Variants in NF1 observed in about 807,000 individuals in gnomAD.
The protein encoded by NF1 is neurofibromin 1, also known as neurofibromin.
In NF1, 122 loss-of-function variants were observed where a neutral mutation model predicts 325.7. That is an observed-to-expected ratio of 0.37 (90% CI 0.32 to 0.44). The LOEUF is 0.44. Ranked by LOEUF, NF1 falls within the 20% of genes least tolerant of loss-of-function variation. The pLI is 1.00. For missense variants in NF1, 2,140 were observed against 3,415.4 expected (o/e 0.63, Z 9.31); for synonymous variants, 1,091 against 1,186.0 (o/e 0.92, Z 1.65).
chr17:31,311,642 C>T (rs2068879303), intron 36 of NF1, among the ~76,000 whole-genome samples: 1 of 152,164 alleles, frequency 6.6e-6, no homozygotes, highest in African/African-American at 2.4e-5. Context: ...CCACCAAAGG[C>T]TAAGCAGTAT....
intron 31 of NF1, among the ~76,000 whole-genome samples, chr17:31,256,946 T>G (rs1054250916): frequency 9.2e-5 from 14 of 152,212 alleles, no homozygotes; most frequent in Middle Eastern, 3.2e-3. Context: ...AAAATCTAGT[T>G]TTTACTAACT....
intron 1 of NF1, among the ~76,000 whole-genome samples, chr17:31,144,098 C>T (rs1427220550): frequency 2.0e-5 from 3 of 152,220 alleles, no homozygotes; most frequent in Non-Finnish European, 4.4e-5. Flanking sequence ...GCTGGGATTA[C>T]AGGCTTGAGC....
chr17:31,348,851 T>C (rs1171029078), intron 48 of NF1, among the ~76,000 whole-genome samples: 1 of 152,104 alleles, frequency 6.6e-6, no homozygotes, highest in Non-Finnish European at 1.5e-5. Context: ...TGAAAGACTA[T>C]CATGTTTTTT....
At chr17:31,173,000 G>T (rs2065956834) in intron 5 of NF1, among the ~76,000 whole-genome samples, 1 of 152,108 alleles carries the variant, frequency 6.6e-6, no homozygotes, top group Admixed American at 6.5e-5. Context: ...AAGAAGTGGA[G>T]GCTGGGCGCA....
chr17:31,340,236 A>G (rs2069781171), intron 46 of NF1: 2 of 494,992 alleles, frequency 4.0e-6, no homozygotes, highest in Non-Finnish European at 7.3e-6. Context: ...CTACTCTAGA[A>G]GAATCAACAA....
chr17:31,361,972 T>C (rs1323375411), intron 57 of NF1, among the ~76,000 whole-genome samples: 3 of 152,246 alleles, frequency 2.0e-5, no homozygotes, highest in Admixed American at 2.0e-4. Context: ...CTAACTTTTT[T>C]TCCCATGTAA....
rs2066924099 is a variant in NF1, at chr17:31,221,720, C to A, written c.1642-130C>A. 1 of 682,610 alleles carries A rather than the reference C, an allele frequency of 1.5e-6. No individual in the cohort carries two copies. Among genetic ancestry groups the A allele is most frequent in the South Asian group, 1.7e-5 (1 of 59,528 alleles). The allele number at this position is 682,610 out of a possible 1,614,324, so 42.3% of individuals were successfully genotyped here. On this transcript the variant is annotated intron_variant, in intron 14 of 57. Transcript: ENST00000358273. ...AGAGTTTCTCTCTTTTTACCTTTTA[C>A]TATATATTGAAACTACAAATGAAAG...
At chr17:31,173,817 T>C (rs1052856691) in intron 5 of NF1, among the ~76,000 whole-genome samples, 1 of 152,200 alleles carries the variant, frequency 6.6e-6, no homozygotes, top group Non-Finnish European at 1.5e-5. Context: ...AAGAAACTTG[T>C]AGAACTGAAA....
chr17:31,260,618 A>G, intron 34 of NF1, 103 bp downstream of exon 34: 1 of 1,319,368 alleles, frequency 7.6e-7, no homozygotes. Flanking sequence ...ATCTTCTTGG[A>G]CTAAGAATTA....
At chr17:31,196,344 A>G (rs747887869) in intron 8 of NF1, among the ~76,000 whole-genome samples, 1 of 151,658 alleles carries the variant, frequency 6.6e-6, no homozygotes, top group East Asian at 1.9e-4. Context: ...ATCTATTTTC[A>G]GTTTTTAAAA....
In NF1 at chr17:31,181,800, G is replaced by GA. The variant is rs373999174; in HGVS notation, c.730+16dup. On this transcript the variant is annotated intron_variant, in intron 7 of 57. Transcript: ENST00000358273. ...TGATATGGCTGGTAAGGATACGATTGATTTTTTTTTTTTTTTTGTCTTTTA... is the reference window on the plus strand; with the variant it reads ...TGATATGGCTGGTAAGGATACGATTGAATTTTTTTTTTTTTTTTGTCTTTTA... 1.6e-5 allele frequency: 23 copies of GA among 1,464,670 alleles called. No individual in the cohort carries two copies. Among genetic ancestry groups the GA allele is most frequent in the Non-Finnish European group, 2.1e-5 (23 of 1,073,158 alleles). 90.7% of individuals were successfully genotyped at this position (1,464,670 alleles called of 1,614,324 possible).
At chr17:31,324,250 A>G (rs1385692355) in intron 36 of NF1, among the ~76,000 whole-genome samples, 1 of 152,054 alleles carries the variant, frequency 6.6e-6, no homozygotes, top group East Asian at 1.9e-4. Context: ...TATTTTTAGT[A>G]GAGACAGGGT....
intron 54 of NF1, 134 bp downstream of exon 54, chr17:31,357,503 G>T (rs2070303252): frequency 6.8e-6 from 5 of 738,850 alleles, no homozygotes; most frequent in Non-Finnish European, 1.2e-5. Flanking sequence ...GAGACAGTAG[G>T]TTTAATGAGG....
intron 36 of NF1, chr17:31,299,373 G>A (rs1230940357): frequency 6.6e-6 from 1 of 151,954 alleles, no homozygotes; most frequent in African/African-American, 2.4e-5. Flanking sequence ...GCATAAGTAT[G>A]TGTTACAACT....
intron 8 of NF1, among the ~76,000 whole-genome samples, chr17:31,187,094 C>T (rs1329700141): frequency 6.6e-6 from 1 of 152,200 alleles, no homozygotes; most frequent in Non-Finnish European, 1.5e-5. Context: ...CACCAAAGGC[C>T]TTACCCACCA....
At chr17:31,279,228 G>A (rs1476733382) in intron 36 of NF1, among the ~76,000 whole-genome samples, 3 of 152,116 alleles carry the variant, frequency 2.0e-5, no homozygotes, top group Non-Finnish European at 4.4e-5. Context: ...GCCAGTTAAG[G>A]GGACAGAGCG....
intron 34 of NF1, among the ~76,000 whole-genome samples, chr17:31,260,812 A>C (rs1308052704): frequency 6.6e-6 from 1 of 152,250 alleles, no homozygotes; most frequent in Non-Finnish European, 1.5e-5. Context: ...GATCCAAAGA[A>C]GTTCAGATTA....
intron 36 of NF1, among the ~76,000 whole-genome samples, chr17:31,322,570 A>G (rs889293348): frequency 6.8e-6 from 1 of 146,082 alleles, no homozygotes; most frequent in Non-Finnish European, 1.5e-5. Flanking sequence ...CTGTAATCCC[A>G]GCTACTAGGT....
chr17:31,293,143 ACTC>A (rs1460489445), intron 36 of NF1, among the ~76,000 whole-genome samples: 1 of 132,736 alleles, frequency 7.5e-6, no homozygotes, highest in Non-Finnish European at 1.6e-5. Context: ...ACGCCATTGC[ACTC>A]CAGCCTGGGG....
Sources: gnomAD v4.1 joint callset for allele counts (sites outside exome capture counted in the v4.1 genomes callset) on GRCh38, gnomAD v4.1.1 for gene constraint, MANE v1.5 for transcripts, NCBI Gene and HGNC (gene_info 2026-07-23, HGNC 2026-07-21) for gene names.